Variants in ASIC4 observed in about 807,000 individuals in gnomAD.
ASIC4 encodes acid sensing ion channel subunit family member 4.
Under a neutral mutation model 53.4 loss-of-function variants are expected in ASIC4, and 28 were observed. The ratio of observed to expected loss-of-function variants is 0.52; its 90% confidence interval spans 0.39 to 0.72. The LOEUF is 0.72. Among genes scored for constraint, ASIC4 ranks in the 30% least tolerant of loss-of-function variants. The pLI, the probability that ASIC4 is intolerant of heterozygous loss-of-function variation, is 0.00. For synonymous variants in ASIC4, 289 were observed against 301.4 expected (o/e 0.96, Z 0.43); for missense variants, 649 against 729.7 (o/e 0.89, Z 1.27).
At chr2:219,522,461 C>T (rs1426314667) in intron 1 of ASIC4, among the ~76,000 whole-genome samples, 1 of 151,374 alleles carries the variant, frequency 6.6e-6, no homozygotes, top group Non-Finnish European at 1.5e-5. Flanking sequence ...GGGTCGGCCC[C>T]TCCCCAGTGG....
chr2:219,515,833 A>C (rs915307003), intron 1 of ASIC4, among the ~76,000 whole-genome samples: 5 of 152,152 alleles, frequency 3.3e-5, no homozygotes, highest in African/African-American at 1.2e-4. Flanking sequence ...TCTTCAGGAC[A>C]CTGGGTGCCA....
intron 1 of ASIC4, among the ~76,000 whole-genome samples, chr2:219,530,137 G>C (rs1027457962): frequency 6.6e-6 from 1 of 152,184 alleles, no homozygotes; most frequent in Non-Finnish European, 1.5e-5. Context: ...GCGGGAGAGA[G>C]TGATTGAGTG....
rs766209679 is a variant in ASIC4, at chr2:219,537,474, C to CA, written c.1401+154dup. On this transcript the variant is annotated intron_variant, in intron 8 of 9. Coordinates refer to ENST00000358078, the MANE Select transcript of ASIC4 (RefSeq NM_018674.6). This position sits in a 1 kb window ranked among gnomAD's most constrained non-coding sequence, Gnocchi z 4.9. ...TGACTGGCTGGCAGGCCTGAGGGCT[C>CA]AGAGTCAGGAGAAGGGGATGGGTGA... is the stretch of plus-strand genomic sequence containing the variant. The CA allele has an allele frequency of 4.4e-5, 48 of 1,099,578 alleles. No homozygotes were observed. The highest frequency in any genetic ancestry group is 6.5e-5 in the Admixed American group (3 of 45,892). The allele number at this position is 1,099,578 out of a possible 1,614,324, so 68.1% of individuals were successfully genotyped here.
Position 219,517,428 on chromosome 2 carries a change from T to C in ASIC4, c.582+2122T>C, listed in dbSNP as rs958943727. 4.6e-5 allele frequency among the ~76,000 whole-genome samples: 7 copies of C among 152,200 alleles called. No homozygotes were observed. The highest frequency in any genetic ancestry group is 7.2e-5 in the African/African-American group (3 of 41,506). On this transcript the variant is annotated intron_variant, in intron 1 of 9. Coordinates refer to ENST00000358078, the MANE Select transcript of ASIC4 (RefSeq NM_018674.6). The surrounding 1 kb of genome is among the most constrained non-coding windows in gnomAD (Gnocchi z 4.2). ...GTGGGGGTAGAGGGCATAGCTAGCATTGGGGGACAGGAATTCCCCTTTGGG... is the reference window on the plus strand; with the variant it reads ...GTGGGGGTAGAGGGCATAGCTAGCACTGGGGGACAGGAATTCCCCTTTGGG...
At position 219,518,826 on chromosome 2, in the gene ASIC4, C is replaced by G. The variant is rs1234723872; in HGVS notation, c.582+3520C>G. Among the ~76,000 whole-genome samples, 1 of 152,230 alleles carries G rather than the reference C, an allele frequency of 6.6e-6. No homozygotes were observed. The highest frequency in any genetic ancestry group is 1.5e-5 in the Non-Finnish European group (1 of 68,048). ...CTCTCACCTGGGGACCACCAGGATTCGAACCTCGGCTCTACGCATTAAGCT... is the reference window on the plus strand; with the variant it reads ...CTCTCACCTGGGGACCACCAGGATTGGAACCTCGGCTCTACGCATTAAGCT... On this transcript the variant is annotated intron_variant, in intron 1 of 9. Transcript: ENST00000358078. The surrounding 1 kb of genome is among the most constrained non-coding windows in gnomAD (Gnocchi z 4.8).
chr2:219,510,884 G>A (rs949132883), upstream of ASIC4, among the ~76,000 whole-genome samples: 20 of 151,116 alleles, frequency 1.3e-4, no homozygotes, highest in Middle Eastern at 6.8e-3. The surrounding 1 kb of genome is among the most constrained non-coding windows in gnomAD (Gnocchi z 5.2). Flanking sequence ...CTCCTGCCTC[G>A]TCCGCGGCAT....
chr2:219,535,812 G>A (rs1259227736), intron 6 of ASIC4, among the ~76,000 whole-genome samples: 4 of 137,648 alleles, frequency 2.9e-5, no homozygotes, highest in South Asian at 2.2e-4. Flanking sequence ...TTGCTCTGTC[G>A]CCCAGGCTGG....
chr2:219,522,695 C>T (rs1364072450), intron 1 of ASIC4, among the ~76,000 whole-genome samples: 1 of 152,058 alleles, frequency 6.6e-6, no homozygotes, highest in Non-Finnish European at 1.5e-5. Context: ...GGCCCAGCTC[C>T]GCATCCATCT....
upstream of ASIC4, among the ~76,000 whole-genome samples, chr2:219,513,498 A>G (rs1694728233): frequency 6.6e-6 from 1 of 151,650 alleles, no homozygotes; most frequent in Admixed American, 6.6e-5. Flanking sequence ...TCTTTAGGAG[A>G]GCATTCGCTC....
intron 1 of ASIC4, among the ~76,000 whole-genome samples, chr2:219,528,864 C>T (rs150566201): frequency 5.9e-5 from 9 of 152,258 alleles, no homozygotes; most frequent in East Asian, 1.9e-4. Flanking sequence ...TTGCACCAGG[C>T]CCATTTCAGA....
chr2:219,531,550 G>T (rs1695041609), intron 1 of ASIC4, among the ~76,000 whole-genome samples: 3 of 152,190 alleles, frequency 2.0e-5, no homozygotes, highest in Admixed American at 2.0e-4. Flanking sequence ...TGTGCTGTTG[G>T]GTTGGAGATG....
At position 219,532,382 on chromosome 2, in the gene ASIC4, A is replaced by G; in HGVS notation, c.923A>G (p.Gln308Arg). The change falls in exon 4 of 10, where the codon CAG (glutamine) becomes CGG (arginine). Residue 308 changes from glutamine (Q) to arginine (R), a missense_variant. Gln to Arg is a conservative substitution (Grantham distance 43). Transcript: ENST00000358078. The part of the protein sequence containing the change: ...AESELREPEL[Q>R]GYSAYSVSAC... ...AGTGAGCTCAGGGAGCCTGAGCTTCAGGGCTACTCGGCCTACAGTGTGTCT... is the reference window on the plus strand; with the variant it reads ...AGTGAGCTCAGGGAGCCTGAGCTTCGGGGCTACTCGGCCTACAGTGTGTCT... 6.2e-7 allele frequency: 1 copy of G among 1,614,096 alleles called. No individual in the cohort carries two copies. The highest frequency in any genetic ancestry group is 8.5e-7 in the Non-Finnish European group (1 of 1,179,964).
intron 3 of ASIC4, 48 bp downstream of exon 3, chr2:219,532,176 G>C: frequency 6.2e-7 from 1 of 1,609,896 alleles, no homozygotes; most frequent in Non-Finnish European, 8.5e-7. Flanking sequence ...GCTCGCCTTT[G>C]GGCTCAGAGG....
upstream of ASIC4, among the ~76,000 whole-genome samples, chr2:219,510,033 CT>C (rs1400568044): frequency 6.6e-6 from 1 of 152,020 alleles, no homozygotes; most frequent in Non-Finnish European, 1.5e-5. This position sits in a 1 kb window ranked among gnomAD's most constrained non-coding sequence, Gnocchi z 5.2. Context: ...AAAAGTCCCC[CT>C]CTCCTAGGAC....
At chr2:219,535,754 A>G (rs1407154215) in intron 6 of ASIC4, among the ~76,000 whole-genome samples, 1 of 148,450 alleles carries the variant, frequency 6.7e-6, no homozygotes, top group Admixed American at 6.7e-5. Flanking sequence ...TGCCCTTCAT[A>G]GCTCTATTCT....
At position 219,515,720 on chromosome 2, in the gene ASIC4, A is replaced by G. The variant is rs558263985; in HGVS notation, c.582+414A>G. Among the ~76,000 whole-genome samples, 5 of 152,240 alleles carry G rather than the reference A, an allele frequency of 3.3e-5. No homozygotes were observed. The South Asian group carries it at 1.0e-3, about 32-fold the overall frequency. ...TGAGGCTACTGGATTCTTCCCACCAAACGAAGGAGATAGGGAGGGGAGGTT... is the reference window on the plus strand; with the variant it reads ...TGAGGCTACTGGATTCTTCCCACCAGACGAAGGAGATAGGGAGGGGAGGTT... On this transcript the variant is annotated intron_variant, in intron 1 of 9. Transcript: ENST00000358078.
Position 219,514,564 on chromosome 2 carries a change from C to A in ASIC4, c.-161C>A. 1 of 1,570,172 alleles carries A rather than the reference C, an allele frequency of 6.4e-7. No individual in the cohort carries two copies. The highest frequency in any genetic ancestry group is 2.4e-5 in the East Asian group (1 of 42,120). On this transcript the variant is annotated 5_prime_UTR_variant, in exon 1 of 10. Transcript: ENST00000358078. ...GGAGCTGCTGGGAGTGGGAGTGACT[C>A]CCCCACCTCGGGCCCCCACCCTGTC...
intron 1 of ASIC4, among the ~76,000 whole-genome samples, chr2:219,520,501 C>G (rs892766609): frequency 6.6e-6 from 1 of 152,204 alleles, no homozygotes; most frequent in African/African-American, 2.4e-5. Context: ...CCCTCCACCC[C>G]CTACACTTGG....
chr2:219,533,366 C>G, intron 5 of ASIC4: 1 of 261,292 alleles, frequency 3.8e-6, no homozygotes, highest in Non-Finnish European at 7.6e-6. Context: ...TTCATCGATT[C>G]GCGCATTCTC....
Sources: allele counts gnomAD v4.1 joint callset (sites outside exome capture counted in the v4.1 genomes callset), GRCh38; gene constraint gnomAD v4.1.1; non-coding constraint Gnocchi (gnomAD v3.1); transcripts MANE v1.5; gene names NCBI Gene and HGNC (gene_info 2026-07-23, HGNC 2026-07-21).